Variants in GANAB observed in about 807,000 individuals in gnomAD.
The protein encoded by GANAB is glucosidase II alpha subunit.
A neutral mutation model predicts 129.9 loss-of-function variants in GANAB; 35 were observed. The ratio of observed to expected loss-of-function variants is 0.27; its 90% CI spans 0.21 to 0.36. The LOEUF (loss-of-function observed/expected upper bound fraction) is 0.36. Among genes scored for constraint, GANAB ranks in the 10% least tolerant of loss-of-function variants. The pLI is 1.00. For missense variants in GANAB, 939 were observed against 1,221.0 expected, an observed-to-expected ratio of 0.77 and a Z score of 3.44; for synonymous variants, 482 against 451.8, an observed-to-expected ratio of 1.07 and a Z score of -0.85.
rs369843079 is a variant in GANAB at position 62,630,352 on chromosome 11, C to T, written c.1513+27G>A. The stretch of plus-strand genomic sequence containing the variant: ...CCATTCTACCCCGCTGGCCAATCAA[C>T]TCTCCCTCAATTCTGGGTCTGCTTA... On this transcript the variant is annotated intron_variant, in intron 12 of 23. Coordinates refer to ENST00000356638, the MANE Select transcript of GANAB (RefSeq NM_198334.3). The T allele has an allele frequency of 8.5e-5, 138 of 1,614,106 alleles. No homozygotes were observed. The African/African-American group carries it at 1.6e-3, about 19-fold the overall frequency.
intron 5 of GANAB, 99 bp downstream of exon 5, chr11:62,634,722 C>T (rs1280249253): frequency 6.0e-6 from 6 of 998,894 alleles, no homozygotes; most frequent in Admixed American, 4.1e-5. Flanking sequence ...CCAGGCCCTA[C>T]CTGGCTGTCC....
intron 4 of GANAB, among the ~76,000 whole-genome samples, chr11:62,635,905 C>T (rs943040208): frequency 1.3e-5 from 2 of 152,174 alleles, no homozygotes; most frequent in African/African-American, 4.8e-5. Context: ...GCTGGGATTA[C>T]AGGCATGAGC....
At chr11:62,626,273 G>A in intron 22 of GANAB, 62 bp downstream of exon 22, 2 of 1,338,628 alleles carry the variant, frequency 1.5e-6, no homozygotes. Flanking sequence ...CAGTGAACTG[G>A]GAGCCCCCAC....
chr11:62,634,271 G>T, intron 5 of GANAB: 1 of 1,361,770 alleles, frequency 7.3e-7, no homozygotes, highest in Non-Finnish European at 1.1e-6. Flanking sequence ...ATGGGTAAGG[G>T]CAGAGGAACA....
intron 14 of GANAB, 25 bp downstream of exon 14, chr11:62,629,789 C>T: frequency 6.2e-7 from 1 of 1,613,368 alleles, no homozygotes; most frequent in Non-Finnish European, 8.5e-7. Flanking sequence ...CTCTTTCCAC[C>T]AACTCTCCTC....
Position 62,630,587 on chromosome 11 carries a change from C to G in GANAB, c.1386+14G>C. ...CCTACCCTGAGAAGACCAAGCGTGACTGCAACCCCTTACCTTCCGCCTCTT... is the reference window on the plus strand; with the variant it reads ...CCTACCCTGAGAAGACCAAGCGTGAGTGCAACCCCTTACCTTCCGCCTCTT... On this transcript the variant is annotated intron_variant, in intron 11 of 23. Coordinates refer to ENST00000356638, the MANE Select transcript of GANAB (RefSeq NM_198334.3). 6.2e-7 allele frequency: 1 copy of G among 1,611,090 alleles called. No individual in the cohort carries two copies. The highest frequency in any genetic ancestry group is 8.5e-7 in the Non-Finnish European group (1 of 1,177,488).
intron 17 of GANAB, 101 bp from the exon 18 acceptor site, chr11:62,627,454 G>A (rs112811925): frequency 1.5e-4 from 108 of 713,382 alleles, no homozygotes; most frequent in African/African-American, 7.8e-4. Flanking sequence ...AGCATAGGCC[G>A]GGTGTGGTGG....
Position 62,626,654 on chromosome 11 carries a change from C to G in GANAB, c.2428G>C (p.Val810Leu). 1 of 1,609,516 alleles carries G rather than the reference C, an allele frequency of 6.2e-7. No individual in the cohort carries two copies. Among genetic ancestry groups the G allele is most frequent in the Non-Finnish European group, 8.5e-7 (1 of 1,177,398 alleles). Residue 810 changes from valine (V) to leucine (L), a missense_variant, in exon 21 of 24, where the codon GTG (valine) becomes CTG (leucine). Transcript: ENST00000356638. ...CGCCGCACTCGCATCCATCGAGGCA[C>G]GATTGTCCCTCCACGCTGGAACACA... is the stretch of plus-strand genomic sequence containing the variant. ...IPVFQRGGTI[V>L]PRWMRVRRSS...
rs1403475066 is a variant in GANAB at position 62,627,277 on chromosome 11, C to T, written c.2245+12G>A. 6.5e-7 allele frequency: 1 copy of T among 1,547,218 alleles called. No individual in the cohort carries two copies. On this transcript the variant is annotated intron_variant, in intron 18 of 23. Coordinates refer to ENST00000356638, the MANE Select transcript of GANAB (RefSeq NM_198334.3). The stretch of plus-strand genomic sequence containing the variant: ...CAAAGCCAACCCACCACCAACTATC[C>T]TCATTTCTCACCAAGCAAGTACTGA...
chr11:62,634,629 G>A (rs559886788), intron 5 of GANAB, 192 bp downstream of exon 5: 137 of 614,656 alleles, frequency 2.2e-4, no homozygotes, highest in Non-Finnish European at 3.6e-4. Flanking sequence ...AAAAGTGACT[G>A]CCTCCTGGTC....
chr11:62,626,621 C>G lies in GANAB; in HGVS notation c.2461G>C (p.Glu821Gln). 2 of 1,612,594 alleles carry G rather than the reference C, an allele frequency of 1.2e-6. No individual in the cohort carries two copies. The highest frequency in any genetic ancestry group is 1.7e-6 in the Non-Finnish European group (2 of 1,178,986). The change falls in exon 21 of 24, where the codon GAA becomes CAA. Residue 821 changes from glutamate to glutamine, a missense_variant. This residue lies in a region of GANAB where 230 missense variants were observed against 259.9 expected (regional missense o/e 0.89). Transcript: ENST00000356638. ...GTGATGGGGTCATCCTTCATACATT[C>G]TGAAGACCGCCGCACTCGCATCCAT... is the stretch of plus-strand genomic sequence containing the variant. ...PRWMRVRRSS[E>Q]CMKDDPITLF...
At chr11:62,634,458 G>C (rs1565101082) in intron 5 of GANAB, 3 of 881,202 alleles carry the variant, frequency 3.4e-6, no homozygotes, top group Non-Finnish European at 5.7e-6. Context: ...GTGAGTTTCA[G>C]TCGACAAACT....
At position 62,646,611 on chromosome 11, in the gene GANAB, T is replaced by C; in HGVS notation, c.-12A>G. ...GCTACCGCCGCCATCTTGTGCAGAG[T>C]TTGCTCCTTGACCCCAAACCTCCCG... On this transcript the variant is annotated 5_prime_UTR_variant, in exon 1 of 24. Transcript: ENST00000356638. 1.9e-6 allele frequency: 3 copies of C among 1,613,748 alleles called. No individual in the cohort carries two copies. The highest frequency in any genetic ancestry group is 1.6e-4 in the Middle Eastern group (1 of 6,062).
At position 62,633,274 on chromosome 11, in the gene GANAB, G is replaced by A. The variant is rs777138817; in HGVS notation, c.631-3C>T. On this transcript the variant is annotated splice_region_variant and splice_polypyrimidine_tract_variant and intron_variant, in intron 6 of 23. Transcript: ENST00000356638. ...GCCTTCCCCTGAGTCTCCTCTGGCTGTTAAGAAGAAAAGAGGACCACTCTC... is the reference window on the plus strand; with the variant it reads ...GCCTTCCCCTGAGTCTCCTCTGGCTATTAAGAAGAAAAGAGGACCACTCTC... 3 of 1,610,990 alleles carry A rather than the reference G, an allele frequency of 1.9e-6. No homozygotes were observed. Among genetic ancestry groups the A allele is most frequent in the Non-Finnish European group, 2.5e-6 (3 of 1,177,174 alleles).
rs1311714381 is a variant in GANAB at position 62,632,986 on chromosome 11, A to G, written c.815+19T>C. ...CTTCCTGCCCACCTCCATCTTCCTG[A>G]TGTCACCATAGGACTCACTCAGTGA... On this transcript the variant is annotated intron_variant, in intron 8 of 23. Coordinates refer to ENST00000356638, the MANE Select transcript of GANAB (RefSeq NM_198334.3). 4.2e-6 allele frequency: 6 copies of G among 1,444,172 alleles called. No homozygotes were observed. Among genetic ancestry groups the G allele is most frequent in the Non-Finnish European group, 4.9e-6 (5 of 1,025,504 alleles). The allele number at this position is 1,444,172 out of a possible 1,614,324, so 89.5% of individuals were successfully genotyped here.
chr11:62,629,320 C>T lies in GANAB; in HGVS notation c.1835-25G>A, dbSNP rs749644152. The T allele has an allele frequency of 2.0e-6, 3 of 1,497,832 alleles. No individual in the cohort carries two copies. The East Asian group carries it at 6.8e-5, about 34-fold the overall frequency. 92.8% of individuals were successfully genotyped at this position (1,497,832 alleles called of 1,614,324 possible). ...CCTGAGGAAGACAAGAAGTGGGGAG[C>T]TTGCACATGGTAAAGGAGTTCAGCT... On this transcript the variant is annotated intron_variant, in intron 15 of 23. Coordinates refer to ENST00000356638, the MANE Select transcript of GANAB (RefSeq NM_198334.3).
chr11:62,642,560 G>C (rs995823406), intron 1 of GANAB, among the ~76,000 whole-genome samples: 3 of 151,464 alleles, frequency 2.0e-5, no homozygotes, highest in African/African-American at 7.3e-5. Flanking sequence ...TCAGCCTCCC[G>C]AGCAGCTGGG....
At chr11:62,645,107 C>A (rs559191099) in intron 1 of GANAB, among the ~76,000 whole-genome samples, 1 of 152,112 alleles carries the variant, frequency 6.6e-6, no homozygotes, top group Admixed American at 6.6e-5. Context: ...ATAGGCCAAG[C>A]AGAATAAATG....
chr11:62,639,558 C>T (rs558243673), intron 2 of GANAB, 69 bp downstream of exon 2: 2 of 1,441,184 alleles, frequency 1.4e-6, no homozygotes, highest in Admixed American at 3.4e-5. Flanking sequence ...GGCACTCCAT[C>T]TGCCACAGAT....
Sources: gnomAD v4.1 joint callset for allele counts (sites outside exome capture counted in the v4.1 genomes callset) on GRCh38, gnomAD v4.1.1 for gene constraint, gnomAD v4.1.1 regional missense constraint, MANE v1.5 for transcripts, NCBI Gene and HGNC (gene_info 2026-07-23, HGNC 2026-07-21) for gene names.